Variants in THAP7 observed in about 807,000 individuals in gnomAD.
The protein encoded by THAP7 is THAP domain-containing protein 7.
A neutral mutation model predicts 29.2 loss-of-function variants in THAP7; 22 were observed. That is an observed-to-expected ratio of 0.75 (90% CI 0.54 to 1.08). The LOEUF is 1.08. THAP7 is among the 50% of genes least tolerant of loss of function. The probability of loss-of-function intolerance (pLI) is 0.00; values close to 1 mark genes in which losing one functional copy is unlikely to be tolerated. For missense variants in THAP7, 448 were observed against 416.2 expected, an observed-to-expected ratio of 1.08 and a Z score of -0.66; for synonymous variants, 208 against 173.4, an observed-to-expected ratio of 1.20 and a Z score of -1.57.
At chr22:21,001,085 C>G (rs1423520447) in intron 2 of THAP7, 171 bp downstream of exon 2, 4 of 1,038,360 alleles carry the variant, frequency 3.9e-6, no homozygotes, top group Non-Finnish European at 5.6e-6. Flanking sequence ...CTGTTTTCCC[C>G]TTGTGTCACA....
chr22:21,000,958 C>G, intron 2 of THAP7, 171 bp from the exon 3 acceptor site: 1 of 1,068,226 alleles, frequency 9.4e-7, no homozygotes, highest in Non-Finnish European at 1.3e-6. Context: ...TCCTCACAGT[C>G]CAGGTGTGTG....
chr22:21,000,243 T>G lies in THAP7; in HGVS notation c.567A>C (p.Ala189=). The G allele has an allele frequency of 6.4e-7, 1 of 1,557,222 alleles. No homozygotes were observed. Among genetic ancestry groups the G allele is most frequent in the Non-Finnish European group, 8.7e-7 (1 of 1,150,138 alleles). The change falls in exon 4 of 4, where the codon GCA becomes GCC. Residue 189 remains alanine, a synonymous_variant. Coordinates refer to ENST00000215742, the MANE Select transcript of THAP7 (RefSeq NM_030573.3). ...LGPLGAQADE[A]GCSAQPSPER... ...CTGGTGAAGGCTGGGCGCTGCAGCC[T>G]GCTTCATCTGCCTGGGCACCCAAGG...
Position 21,002,018 on chromosome 22 carries a change from C to T in THAP7, c.-107G>A. On this transcript the variant is annotated 5_prime_UTR_variant, in exon 1 of 4. Transcript: ENST00000215742. ...CCAAGGGGCTCTGGCCTGTCGGGTC[C>T]CCCCCGGCCCGTTGTCGCCCCAACC... 3.5e-6 allele frequency: 4 copies of T among 1,136,452 alleles called. No individual in the cohort carries two copies. Among genetic ancestry groups the T allele is most frequent in the Admixed American group, 6.2e-5 (2 of 32,518 alleles). The allele number at this position is 1,136,452 out of a possible 1,614,324, so 70.4% of individuals were successfully genotyped here.
rs1292401834 is a variant in THAP7, at chr22:21,001,896, A to T, written c.16T>A (p.Ser6Thr). MPRHCSAAGCCTRDTR... is the reference protein window; with the variant it reads MPRHCTAAGCCTRDTR... Reference sequence around the variant, plus strand: ...TCCCGTGTGCAGCAGCCGGCGGCGGAGCAGTGACGCGGCATCTGGGAAAGA... The same window carrying T: ...TCCCGTGTGCAGCAGCCGGCGGCGGTGCAGTGACGCGGCATCTGGGAAAGA... Residue 6 changes from serine to threonine, a missense_variant, in exon 1 of 4, where the codon TCC becomes ACC. Physicochemically the swap from Ser to Thr is moderately conservative, Grantham distance 58. Transcript: ENST00000215742. 1 of 1,571,146 alleles carries T rather than the reference A, an allele frequency of 6.4e-7. No individual in the cohort carries two copies.
Position 20,999,640 on chromosome 22 carries a change from T to C in THAP7, c.*240A>G. 3.6e-6 allele frequency: 2 copies of C among 558,740 alleles called. No homozygotes were observed. Among genetic ancestry groups the C allele is most frequent in the Non-Finnish European group, 3.2e-6 (1 of 315,764 alleles). The allele number at this position is 558,740 out of a possible 1,614,324, so 34.6% of individuals were successfully genotyped here. On this transcript the variant is annotated 3_prime_UTR_variant, in exon 4 of 4. Transcript: ENST00000215742. ...CCTGTCTACCAGTAGCTCTGAGGGG[T>C]GAGAGCCAGGCTCCCTGTTCTCCTT...
In THAP7 at chr22:21,000,634, C is replaced by T; in HGVS notation, c.377+13G>A. 6.8e-6 allele frequency: 11 copies of T among 1,613,944 alleles called. No homozygotes were observed. The highest frequency in any genetic ancestry group is 9.3e-6 in the Non-Finnish European group (11 of 1,179,984). ...GGGGTGGGAGTGGGGCATCCCCCAC[C>T]CATATCACATACCGCTTCCTGCATC... On this transcript the variant is annotated intron_variant, in intron 3 of 3. Coordinates refer to ENST00000215742, the MANE Select transcript of THAP7 (RefSeq NM_030573.3).
Position 20,999,594 on chromosome 22 carries a change from C to T in THAP7, c.*286G>A, listed in dbSNP as rs1314741521. The T allele has an allele frequency of 2.1e-5, 10 of 472,156 alleles. No homozygotes were observed. Among genetic ancestry groups the T allele is most frequent in the African/African-American group, 9.8e-5 (5 of 51,232 alleles). The allele number at this position is 472,156 out of a possible 1,614,324, so 29.2% of individuals were successfully genotyped here. ...GAGAACCCTGTGGGGCACGGAGCTG[C>T]GCTAGCAGGGCTGACTGCCACCTGT... On this transcript the variant is annotated 3_prime_UTR_variant, in exon 4 of 4. Transcript: ENST00000215742.
In THAP7 at chr22:20,999,772, C is replaced by G. The variant is rs1601725972; in HGVS notation, c.*108G>C. The G allele has an allele frequency of 4.5e-6, 6 of 1,337,708 alleles. No individual in the cohort carries two copies. The highest frequency in any genetic ancestry group is 2.6e-4 in the Middle Eastern group (1 of 3,784). 82.9% of individuals were successfully genotyped at this position (1,337,708 alleles called of 1,614,324 possible). On this transcript the variant is annotated 3_prime_UTR_variant, in exon 4 of 4. Transcript: ENST00000215742. ...CCCCAGCTGAGCCAGACAGCAGGCC[C>G]TCCGTCTAGAATCCGCTTTATTATG...
At chr22:21,000,573 C>T in intron 3 of THAP7, 74 bp downstream of exon 3, 3 of 1,601,634 alleles carry the variant, frequency 1.9e-6, no homozygotes, top group Admixed American at 1.7e-5. Context: ...AGCGAGACTG[C>T]TGGCAGACAC....
intron 1 of THAP7, 49 bp downstream of exon 1, chr22:21,001,783 G>C: frequency 2.0e-6 from 3 of 1,524,128 alleles, no homozygotes; most frequent in Non-Finnish European, 2.6e-6. Flanking sequence ...CCCGAGGCGA[G>C]CAACAACTAG....
chr22:21,001,784 C>T (rs1925183603), intron 1 of THAP7, 48 bp downstream of exon 1: 4 of 1,524,778 alleles, frequency 2.6e-6, no homozygotes, highest in African/African-American at 2.8e-5. Flanking sequence ...CCGAGGCGAG[C>T]AACAACTAGC....
At position 20,999,304 on chromosome 22, in the gene THAP7, TTGA is replaced by T. The variant is rs1262178365; in HGVS notation, c.*573_*575del. 7 of 152,806 alleles carry T rather than the reference TTGA, an allele frequency of 4.6e-5. No individual in the cohort carries two copies. The East Asian group carries it at 7.7e-4, about 17-fold the overall frequency. 9.5% of individuals were successfully genotyped at this position (152,806 alleles called of 1,614,324 possible). ...CTACCTGCTGACATGACCCAGGAGG[TTGA>T]TGATTGTCATCATCATCCCCGTTTT... On this transcript the variant is annotated 3_prime_UTR_variant, in exon 4 of 4. Coordinates refer to ENST00000215742, the MANE Select transcript of THAP7 (RefSeq NM_030573.3).
rs1601726416 is a variant in THAP7 at position 21,000,074 on chromosome 22, C to A, written c.736G>T (p.Ala246Ser). ...GCCTTGTCAAGGGCATCAAGGGCTG[C>A]CTCGGCTCGCCGCTTCCAGAGTAAG... ...SALLWKRRAE[A>S]ALDALDKAQR... The change falls in exon 4 of 4, where the codon GCA becomes TCA. Residue 246 changes from alanine (A) to serine (S), a missense_variant. Transcript: ENST00000215742. The A allele has an allele frequency of 6.2e-7, 1 of 1,612,824 alleles. No homozygotes were observed.
chr22:20,999,935 G>A lies in THAP7; in HGVS notation c.875C>T (p.Thr292Ile), dbSNP rs766670725. 2 of 1,612,022 alleles carry A rather than the reference G, an allele frequency of 1.2e-6. No individual in the cohort carries two copies. The highest frequency in any genetic ancestry group is 1.1e-5 in the South Asian group (1 of 91,068). ...EKRAQADARQ[T>I]LKEHVQDFAM... ...AAAGTCCTGCACATGCTCCTTCAGA[G>A]TCTGGCGGGCATCTGCCTGTGCCCG... is the stretch of plus-strand genomic sequence containing the variant. Residue 292 changes from threonine to isoleucine, a missense_variant, in exon 4 of 4, where the codon ACT becomes ATT. Physicochemically the swap from Thr to Ile is moderately conservative, Grantham distance 89. Coordinates refer to ENST00000215742, the MANE Select transcript of THAP7 (RefSeq NM_030573.3).
Position 21,001,762 on chromosome 22 carries a change from C to A in THAP7, c.80+70G>T, listed in dbSNP as rs1925181576. The A allele has an allele frequency of 1.0e-5, 15 of 1,465,006 alleles. No individual in the cohort carries two copies. The Admixed American group carries it at 2.8e-4, about 27-fold the overall frequency. The allele number at this position is 1,465,006 out of a possible 1,614,324, so 90.8% of individuals were successfully genotyped here. On this transcript the variant is annotated intron_variant, in intron 1 of 3. Coordinates refer to ENST00000215742, the MANE Select transcript of THAP7 (RefSeq NM_030573.3). ...ATCTGAGAAAGGCGCGAAGCCTCTA[C>A]GCAGTTGCGACCCGAGGCGAGCAAC... is the stretch of plus-strand genomic sequence containing the variant.
At chr22:21,001,633 G>T (rs1449680940) in intron 1 of THAP7, 199 bp downstream of exon 1, 1 of 881,002 alleles carries the variant, frequency 1.1e-6, no homozygotes, top group Non-Finnish European at 1.7e-6. Context: ...GAGTGGGGCG[G>T]GTCCAAGCCG....
intron 2 of THAP7, 105 bp from the exon 3 acceptor site, chr22:21,000,892 A>G (rs1925127016): frequency 1.3e-6 from 2 of 1,544,162 alleles, no homozygotes; most frequent in East Asian, 2.3e-5. Flanking sequence ...CATCGTGCAA[A>G]CAATACGTCT....
chr22:21,000,566 G>C, intron 3 of THAP7, 81 bp downstream of exon 3: 1 of 1,596,714 alleles, frequency 6.3e-7, no homozygotes, highest in South Asian at 1.1e-5. Flanking sequence ...CCTGTCCAGC[G>C]AGACTGCTGG....
chr22:21,000,371 AG>A lies in THAP7; in HGVS notation c.438del (p.Cys147AlafsTer124). 6.4e-7 allele frequency: 1 copy of A among 1,553,714 alleles called. No individual in the cohort carries two copies. Among genetic ancestry groups the A allele is most frequent in the Non-Finnish European group, 8.7e-7 (1 of 1,148,494 alleles). The part of the protein sequence containing the change: ...PFSPPPPADV[T>X]CFPVEEASAP... ...GCTGAGGCCTCTTCCACAGGAAAGC[AG>A]GTGACATCAGCAGGTGGAGGTGGAG... On this transcript the variant is annotated frameshift_variant, in exon 4 of 4. Transcript: ENST00000215742. LOFTEE classifies it high-confidence loss of function.
Sources: allele counts gnomAD v4.1 joint callset, GRCh38; gene constraint gnomAD v4.1.1; transcripts MANE v1.5; gene names NCBI Gene and HGNC (gene_info 2026-07-23, HGNC 2026-07-21).